The following CLVS1 variants were observed in gnomAD, a reference collection of about 807,000 sequenced individuals.
CLVS1 encodes the protein clavesin-1.
In CLVS1, 10 loss-of-function variants were observed where a neutral mutation model predicts 33.1. The ratio of observed to expected loss-of-function variants is 0.30; its 90% confidence interval spans 0.19 to 0.51. CLVS1 has a LOEUF of 0.51. CLVS1 is among the 20% of genes least tolerant of loss of function. The pLI is 0.97. For missense variants in CLVS1, 343 were observed against 433.4 expected (o/e 0.79, Z 1.85); for synonymous variants, 163 against 166.1 (o/e 0.98, Z 0.14).
intron 2 of CLVS1, among the ~76,000 whole-genome samples, chr8:61,167,917 A>G (rs1367498853): frequency 4.6e-5 from 7 of 152,014 alleles, no homozygotes; most frequent in Non-Finnish European, 1.0e-4. Context: ...TGAATAATCC[A>G]CCCCTCGTTT....
chr8:61,083,849 T>G (rs1311115018), intron 1 of CLVS1, among the ~76,000 whole-genome samples: 1 of 152,192 alleles, frequency 6.6e-6, no homozygotes, highest in East Asian at 1.9e-4. Context: ...GTCTGGAGTT[T>G]GAGAGAATTA....
intron 2 of CLVS1, among the ~76,000 whole-genome samples, chr8:61,310,150 C>G (rs1245466962): frequency 6.6e-6 from 1 of 152,138 alleles, no homozygotes; most frequent in Non-Finnish European, 1.5e-5. Flanking sequence ...AACTGTCTGC[C>G]CTTCCCACCA....
chr8:61,386,077 G>C (rs6981686), intron 3 of CLVS1, among the ~76,000 whole-genome samples: 2,718 of 152,254 alleles, frequency 0.018, 84 homozygotes, highest in African/African-American at 0.061. Flanking sequence ...TGGGAAAATT[G>C]CTTGACACCT....
chr8:61,195,439 G>C (rs1458765774), intron 2 of CLVS1, among the ~76,000 whole-genome samples: 2 of 151,766 alleles, frequency 1.3e-5, no homozygotes, highest in Non-Finnish European at 2.9e-5. Flanking sequence ...TTAATATATT[G>C]TAGTGAGTAC....
chr8:61,101,618 T>G (rs1251436505), intron 1 of CLVS1, among the ~76,000 whole-genome samples: 1 of 152,152 alleles, frequency 6.6e-6, no homozygotes, highest in Non-Finnish European at 1.5e-5. Flanking sequence ...GTTTTTAACT[T>G]TGATGATGTC....
At chr8:61,394,166 G>GT (rs1032188818) in intron 3 of CLVS1, among the ~76,000 whole-genome samples, 2 of 152,200 alleles carry the variant, frequency 1.3e-5, no homozygotes, top group African/African-American at 4.8e-5. Context: ...TGCCAACATG[G>GT]TGAAACACTA....
At chr8:61,045,612 C>T in the CLVS1 span, among the ~76,000 whole-genome samples, 84,065 of 152,084 alleles carry the variant, frequency 0.55, 24,697 homozygotes, top group African/African-American at 0.75. Context: ...GAACTAATGC[C>T]ATTGTAGCTA....
chr8:61,446,129 A>G (rs916214198), intron 3 of CLVS1, among the ~76,000 whole-genome samples: 10 of 151,774 alleles, frequency 6.6e-5, no homozygotes, highest in South Asian at 4.2e-4. Flanking sequence ...CATAGATTTT[A>G]TTATTTTTCT....
chr8:60,988,041 T>C, the CLVS1 span, among the ~76,000 whole-genome samples: 1 of 152,122 alleles, frequency 6.6e-6, no homozygotes, highest in African/African-American at 2.4e-5. Flanking sequence ...GCAGGGCTGG[T>C]GAATGGCAGA....
Position 61,288,146 on chromosome 8 carries a change from T to C in CLVS1, c.-152+8T>C. On this transcript the variant is annotated splice_region_variant and intron_variant, in intron 1 of 5. Coordinates refer to ENST00000325897, the MANE Select transcript of CLVS1 (RefSeq NM_173519.3). ...CTGGGCGGCCGTGTGAAGGTATTTGTTACCTTTTTTCTCCCCTCTGTATTT... is the reference window on the plus strand; with the variant it reads ...CTGGGCGGCCGTGTGAAGGTATTTGCTACCTTTTTTCTCCCCTCTGTATTT... 1 of 456,286 alleles carries C rather than the reference T, an allele frequency of 2.2e-6. No individual in the cohort carries two copies. Among genetic ancestry groups the C allele is most frequent in the South Asian group, 1.5e-5 (1 of 64,562 alleles). The allele number at this position is 456,286 out of a possible 1,614,324, so 28.3% of individuals were successfully genotyped here.
chr8:61,037,228 C>T, the CLVS1 span, among the ~76,000 whole-genome samples: 2 of 152,160 alleles, frequency 1.3e-5, no homozygotes, highest in African/African-American at 4.8e-5. Context: ...AGTCCACTTA[C>T]ATTTTTGCAC....
At chr8:61,225,133 A>G (rs1563452430) in intron 2 of CLVS1, among the ~76,000 whole-genome samples, 1 of 152,120 alleles carries the variant, frequency 6.6e-6, no homozygotes, top group East Asian at 1.9e-4. Context: ...CCCGACCAAC[A>G]TGGTGAAGCC....
At chr8:61,278,404 T>C (rs1258833664) in intron 2 of CLVS1, among the ~76,000 whole-genome samples, 1 of 152,236 alleles carries the variant, frequency 6.6e-6, no homozygotes, top group African/African-American at 2.4e-5. Flanking sequence ...TGCTAGAAAA[T>C]GTTTAGGCCC....
chr8:61,180,567 G>A lies in CLVS1; in HGVS notation c.-152+48707G>A, dbSNP rs369025172. Among the ~76,000 whole-genome samples, 2 of 152,196 alleles carry A rather than the reference G, an allele frequency of 1.3e-5. 1 individual carries two copies. The highest frequency in any genetic ancestry group is 3.8e-4 in the East Asian group (2 of 5,202). On this transcript the variant is annotated intron_variant, in intron 2 of 2. Coordinates refer to the CLVS1 transcript ENST00000522621. Reference sequence around the variant, plus strand: ...AAAACTTCAGGCCAATATCCTTGATGAACATCAATGCAAAAATCCTCAATA... The same window carrying A: ...AAAACTTCAGGCCAATATCCTTGATAAACATCAATGCAAAAATCCTCAATA...
chr8:61,372,209 G>C (rs560084761), intron 2 of CLVS1, among the ~76,000 whole-genome samples: 1 of 152,212 alleles, frequency 6.6e-6, no homozygotes, highest in South Asian at 2.1e-4. Context: ...TGAGTTTTTG[G>C]AGTAAAACCA....
chr8:61,347,949 C>T (rs1034725779), intron 2 of CLVS1, among the ~76,000 whole-genome samples: 1 of 151,674 alleles, frequency 6.6e-6, no homozygotes, highest in African/African-American at 2.4e-5. Flanking sequence ...TGCATTGCCT[C>T]ACCTACTTGT....
At chr8:61,031,951 G>A in the CLVS1 span, among the ~76,000 whole-genome samples, 1 of 152,346 alleles carries the variant, frequency 6.6e-6, no homozygotes, top group East Asian at 1.9e-4. Context: ...TTGGATAAAA[G>A]GACTCAAGGG....
intron 2 of CLVS1, among the ~76,000 whole-genome samples, chr8:61,212,039 C>T (rs1192090788): frequency 6.6e-6 from 1 of 152,192 alleles, no homozygotes; most frequent in African/African-American, 2.4e-5. Context: ...AATTTTGGCT[C>T]AGTGAAACCT....
chr8:61,108,372 A>G (rs11986110), intron 1 of CLVS1, among the ~76,000 whole-genome samples: 29,887 of 152,124 alleles, frequency 0.2, 3,123 homozygotes, highest in Admixed American at 0.31. Context: ...GCACTTTTCT[A>G]TGCCATTCAT....
Sources: allele counts gnomAD v4.1 joint callset (sites outside exome capture counted in the v4.1 genomes callset), GRCh38; gene constraint gnomAD v4.1.1; transcripts MANE v1.5; gene names NCBI Gene and HGNC (gene_info 2026-07-23, HGNC 2026-07-21).